Variants in PALM2AKAP2 observed in about 807,000 individuals in gnomAD.
PALM2AKAP2 encodes the protein PALM2 and AKAP2 fusion.
PALM2AKAP2 carries 37 observed loss-of-function variants against 71.5 expected under a neutral mutation model. That is an observed-to-expected ratio of 0.52 (90% CI 0.40 to 0.68). The LOEUF is 0.68. Ranked by LOEUF, PALM2AKAP2 falls within the 30% of genes least tolerant of loss-of-function variation. The probability of loss-of-function intolerance (pLI) is 0.00; values close to 1 mark genes in which losing one functional copy is unlikely to be tolerated. For missense variants in PALM2AKAP2, 1,224 were observed against 1,191.8 expected (o/e 1.03, Z -0.40); for synonymous variants, 468 against 478.8 (o/e 0.98, Z 0.29).
At chr9:110,168,668 T>C (rs1266997628) in exon 4 of PALM2AKAP2, 2 of 725,200 alleles carry the variant, frequency 2.8e-6, no homozygotes, top group South Asian at 2.5e-5. Flanking sequence ...GAAAAGGAAG[T>C]CCCCCCATCA....
intron 1 of PALM2AKAP2, among the ~76,000 whole-genome samples, chr9:110,067,045 T>C (rs1449482681): frequency 2.6e-5 from 4 of 152,152 alleles, no homozygotes; most frequent in African/African-American, 9.7e-5. Flanking sequence ...CTGGCTTTCT[T>C]TGCACTGGGA....
chr9:109,945,676 T>C (rs927514942), intron 6 of PALM2AKAP2: 1 of 152,236 alleles, frequency 6.6e-6, no homozygotes, highest in Non-Finnish European at 1.5e-5. Context: ...CTATTCAATG[T>C]GAGTTTTAAA....
At chr9:110,139,394 C>G (rs758364637) in intron 2 of PALM2AKAP2, among the ~76,000 whole-genome samples, 2 of 152,214 alleles carry the variant, frequency 1.3e-5, no homozygotes, top group Non-Finnish European at 2.9e-5. Context: ...GTGGTCCAAG[C>G]TAGTCCAGGA....
chr9:109,967,393 C>T (rs891620245), intron 6 of PALM2AKAP2, among the ~76,000 whole-genome samples: 20 of 151,734 alleles, frequency 1.3e-4, no homozygotes, highest in Non-Finnish European at 1.8e-4. Flanking sequence ...GCAAGGGTAG[C>T]GCAGTGAGAC....
chr9:110,050,773 A>G (rs260217), intron 1 of PALM2AKAP2, among the ~76,000 whole-genome samples: 111,632 of 152,028 alleles, frequency 0.73, 41,398 homozygotes, highest in African/African-American at 0.83. Context: ...GATTACAGGC[A>G]CCCACCACCA....
Position 110,156,510 on chromosome 9 carries a change from T to A in PALM2AKAP2, c.2748+13T>A. 6.3e-7 allele frequency: 1 copy of A among 1,586,028 alleles called. No homozygotes were observed. The highest frequency in any genetic ancestry group is 8.6e-7 in the Non-Finnish European group (1 of 1,163,198). ...GGATGATAGTAGTGTAAGTTTTTCC[T>A]CCTTTCCTCTTTCACTTCTCTGAGC... On this transcript the variant is annotated intron_variant, in intron 3 of 3. Coordinates refer to ENST00000374525, the Ensembl canonical transcript of PALM2AKAP2.
intron 1 of PALM2AKAP2, among the ~76,000 whole-genome samples, chr9:110,135,420 A>G (rs1270743848): frequency 1.3e-5 from 2 of 150,770 alleles, no homozygotes; most frequent in African/African-American, 4.9e-5. Flanking sequence ...TTCTTATTGA[A>G]TCACAAACTG....
At chr9:110,138,647 G>A in intron 2 of PALM2AKAP2, 108 bp downstream of exon 8, 1 of 1,438,618 alleles carries the variant, frequency 7.0e-7, no homozygotes, top group Non-Finnish European at 9.1e-7. Context: ...TCTGGAATAA[G>A]TGTTGGGGGG....
intron 2 of PALM2AKAP2, among the ~76,000 whole-genome samples, chr9:110,150,619 C>T (rs1235048505): frequency 2.0e-5 from 3 of 152,174 alleles, no homozygotes; most frequent in African/African-American, 7.2e-5. Context: ...TCTAAAGCAA[C>T]GTATTACAGG....
intron 6 of PALM2AKAP2, among the ~76,000 whole-genome samples, chr9:109,937,108 G>T (rs1438127885): frequency 6.6e-6 from 1 of 152,148 alleles, no homozygotes; most frequent in African/African-American, 2.4e-5. Flanking sequence ...TCTGCCAAAG[G>T]TGAAGGCAAC....
chr9:110,060,327 T>A (rs1175433765), intron 1 of PALM2AKAP2, among the ~76,000 whole-genome samples: 1 of 152,110 alleles, frequency 6.6e-6, no homozygotes, highest in Non-Finnish European at 1.5e-5. Context: ...GGTCTCGAAC[T>A]CCTGACCTCA....
chr9:109,742,271 A>G (rs939036211), intron 1 of PALM2AKAP2, among the ~76,000 whole-genome samples: 2 of 145,076 alleles, frequency 1.4e-5, no homozygotes, highest in Non-Finnish European at 3.0e-5. Flanking sequence ...ACACACACAC[A>G]CACACACACA....
chr9:110,114,280 A>T (rs1443026662), intron 1 of PALM2AKAP2, among the ~76,000 whole-genome samples: 1 of 152,156 alleles, frequency 6.6e-6, no homozygotes. Context: ...CTGCCTCCAG[A>T]TTCACATGGA....
At chr9:109,727,294 T>C (rs1031050387) in intron 1 of PALM2AKAP2, among the ~76,000 whole-genome samples, 25 of 152,156 alleles carry the variant, frequency 1.6e-4, no homozygotes, top group African/African-American at 5.8e-4. Flanking sequence ...GAGCCAATAA[T>C]ATAATTTGGG....
intron 3 of PALM2AKAP2, 30 bp downstream of exon 3, chr9:109,880,711 G>A (rs1488077139): frequency 5.6e-6 from 9 of 1,611,268 alleles, no homozygotes; most frequent in Non-Finnish European, 7.6e-6. Context: ...GGGAACCCAT[G>A]CTACAGTTTT....
intron 1 of PALM2AKAP2, among the ~76,000 whole-genome samples, chr9:110,065,321 T>C (rs1834054988): frequency 6.6e-6 from 1 of 152,186 alleles, no homozygotes; most frequent in Admixed American, 6.5e-5. Flanking sequence ...CTTGATCTCC[T>C]GGGCCCAAGC....
chr9:109,901,563 A>G (rs1830331619), intron 3 of PALM2AKAP2, among the ~76,000 whole-genome samples: 1 of 152,248 alleles, frequency 6.6e-6, no homozygotes, highest in Non-Finnish European at 1.5e-5. Context: ...GAAGAGTCAG[A>G]ATAGCAGATT....
At chr9:109,719,245 T>C (rs899678276) in intron 1 of PALM2AKAP2, among the ~76,000 whole-genome samples, 4 of 152,220 alleles carry the variant, frequency 2.6e-5, no homozygotes, top group African/African-American at 4.8e-5. Flanking sequence ...GTGTGTTCAC[T>C]CTAAAATAAG....
chr9:109,941,821 G>C (rs892514651), intron 6 of PALM2AKAP2, among the ~76,000 whole-genome samples: 6 of 152,208 alleles, frequency 3.9e-5, no homozygotes, highest in Non-Finnish European at 8.8e-5. Flanking sequence ...GGCAAGGGGA[G>C]GGGGAGACCA....
Sources: gnomAD v4.1 joint callset for allele counts (sites outside exome capture counted in the v4.1 genomes callset) on GRCh38, gnomAD v4.1.1 for gene constraint, MANE v1.5 for transcripts, NCBI Gene and HGNC (gene_info 2026-07-23, HGNC 2026-07-21) for gene names.